The following ARHGAP28 variants were observed in gnomAD, a reference collection of about 807,000 sequenced individuals.
ARHGAP28 encodes the protein rho GTPase-activating protein 28.
A neutral mutation model predicts 90.7 loss-of-function variants in ARHGAP28; 56 were observed. The ratio of observed to expected loss-of-function variants is 0.62; its 90% CI spans 0.50 to 0.77. The LOEUF is 0.77. Among genes scored for constraint, ARHGAP28 ranks in the 30% least tolerant of loss-of-function variants. The pLI is 0.00. For missense variants in ARHGAP28, 869 were observed against 900.9 expected, an observed-to-expected ratio of 0.96 and a Z score of 0.45; for synonymous variants, 308 against 323.3, an observed-to-expected ratio of 0.95 and a Z score of 0.51.
At chr18:6,795,957 A>G (rs767422925) in intron 1 of ARHGAP28, among the ~76,000 whole-genome samples, 1 of 152,278 alleles carries the variant, frequency 6.6e-6, no homozygotes, top group Non-Finnish European at 1.5e-5. Flanking sequence ...AACCTAAATC[A>G]AACTACAGCA....
rs1364977121 is a variant in ARHGAP28 at position 6,824,941 on chromosome 18, C to T, written c.302C>T (p.Pro101Leu). The T allele has an allele frequency of 6.5e-7, 1 of 1,535,456 alleles. No homozygotes were observed. The highest frequency in any genetic ancestry group is 2.4e-5 in the East Asian group (1 of 40,896). The part of the protein sequence containing the change: ...SSMGGQEEPP[P>L]AEVTPVDEGE... ...ATGGGAGGGCAAGAAGAGCCACCGC[C>T]AGCTGAGGTCACACCTGTGGATGGT... The change falls in exon 2 of 18, where the codon CCA (proline) becomes CTA (leucine). Residue 101 changes from proline (P) to leucine (L), a missense_variant. By Grantham distance (98) the Pro-to-Leu change is moderately conservative. Transcript: ENST00000383472.
chr18:6,896,621 A>C lies in ARHGAP28; in HGVS notation c.2025A>C (p.Glu675Asp). Reference sequence around the variant, plus strand: ...ACATATTGGCAAAATTTCAATATGAAAACAGGTGAGTCAATGTGAATGAAG... The same window carrying C: ...ACATATTGGCAAAATTTCAATATGACAACAGGTGAGTCAATGTGAATGAAG... ...AKDILAKFQY[E>D]NSHGSSECIK... Residue 675 changes from glutamate to aspartate, a missense_variant, in exon 16 of 18, where the codon GAA becomes GAC. By Grantham distance (45) the Glu-to-Asp change is conservative. Transcript: ENST00000383472. 1 of 1,614,094 alleles carries C rather than the reference A, an allele frequency of 6.2e-7. No homozygotes were observed. Among genetic ancestry groups the C allele is most frequent in the Admixed American group, 1.7e-5 (1 of 60,030 alleles).
intron 3 of ARHGAP28, among the ~76,000 whole-genome samples, chr18:6,846,762 A>G (rs1246978427): frequency 1.3e-5 from 2 of 152,092 alleles, no homozygotes; most frequent in African/African-American, 4.8e-5. Flanking sequence ...TGTGAGCCTT[A>G]TGTCCCACCT....
chr18:6,767,386 T>C (rs1046138107), intron 1 of ARHGAP28, among the ~76,000 whole-genome samples: 1 of 152,220 alleles, frequency 6.6e-6, no homozygotes, highest in Non-Finnish European at 1.5e-5. Context: ...CTTTTATATG[T>C]AGCCATATAT....
intron 14 of ARHGAP28, among the ~76,000 whole-genome samples, chr18:6,894,524 C>A (rs957269689): frequency 6.6e-6 from 1 of 152,152 alleles, no homozygotes; most frequent in African/African-American, 2.4e-5. Context: ...GCTTCTTTTG[C>A]GTGCTATTCC....
chr18:6,890,433 C>G lies in ARHGAP28; in HGVS notation c.1738C>G (p.Pro580Ala). The G allele has an allele frequency of 6.3e-7, 1 of 1,596,612 alleles. No homozygotes were observed. Among genetic ancestry groups the G allele is most frequent in the Non-Finnish European group, 8.6e-7 (1 of 1,166,190 alleles). ...CCAAGCTATTTTTCTTCTCCAGGTT[C>G]CATCTTTCTTAATCACTCAAGTAAG... ...LKYQKILWKV[P>A]SFLITQVRRM... Residue 580 changes from proline (P) to alanine (A), a missense_variant, in exon 14 of 18, where the codon CCA becomes GCA. Coordinates refer to ENST00000383472, the MANE Select transcript of ARHGAP28 (RefSeq NM_001366230.1).
chr18:6,857,466 A>G (rs1032597370), intron 4 of ARHGAP28, among the ~76,000 whole-genome samples: 12 of 152,240 alleles, frequency 7.9e-5, no homozygotes, highest in African/African-American at 2.7e-4. Context: ...ATGTGTGGCA[A>G]TCTGTGATGC....
chr18:6,871,885 A>G (rs1314573923), intron 7 of ARHGAP28, among the ~76,000 whole-genome samples: 2 of 152,206 alleles, frequency 1.3e-5, no homozygotes, highest in Non-Finnish European at 2.9e-5. Context: ...TCTATTAATA[A>G]TGTAAGGTGG....
chr18:6,909,292 TTTC>T (rs2057382483), intron 17 of ARHGAP28, among the ~76,000 whole-genome samples: 2 of 50,970 alleles, frequency 3.9e-5, no homozygotes, highest in Non-Finnish European at 1.2e-4. Flanking sequence ...TTTCTTTTCT[TTTC>T]TTTTCTTTTT....
intron 1 of ARHGAP28, among the ~76,000 whole-genome samples, chr18:6,756,534 T>A (rs970182487): frequency 6.6e-6 from 1 of 152,236 alleles, no homozygotes. Context: ...AGGATTCATT[T>A]ACATTGAAAA....
intron 1 of ARHGAP28, 151 bp from the exon 2 acceptor site, chr18:6,824,611 G>A (rs2056648672): frequency 1.6e-6 from 1 of 618,334 alleles, no homozygotes; most frequent in South Asian, 2.7e-5. Flanking sequence ...ACTGAGTGGA[G>A]ATTATTCCCT....
At chr18:6,825,774 A>G (rs890122647) in intron 2 of ARHGAP28, among the ~76,000 whole-genome samples, 2 of 152,172 alleles carry the variant, frequency 1.3e-5, no homozygotes, top group Non-Finnish European at 2.9e-5. Flanking sequence ...CATTGCTGCA[A>G]AGGACATGAT....
chr18:6,870,243 T>G (rs949191449), intron 6 of ARHGAP28, among the ~76,000 whole-genome samples: 2 of 152,228 alleles, frequency 1.3e-5, no homozygotes, highest in Non-Finnish European at 2.9e-5. Context: ...TGGGTCTAGA[T>G]GAGCTTAATT....
At chr18:6,773,386 G>A (rs574227232) in intron 1 of ARHGAP28, among the ~76,000 whole-genome samples, 1 of 152,280 alleles carries the variant, frequency 6.6e-6, no homozygotes, top group East Asian at 1.9e-4. Context: ...ACAGCAGCTG[G>A]GAAATCAGAT....
chr18:6,895,189 A>T (rs1475592356), intron 15 of ARHGAP28, among the ~76,000 whole-genome samples: 9 of 151,896 alleles, frequency 5.9e-5, no homozygotes, highest in Admixed American at 5.9e-4. Flanking sequence ...GCTTCTGGGG[A>T]GCTGGATGAA....
chr18:6,854,099 G>A (rs541864538), intron 4 of ARHGAP28, among the ~76,000 whole-genome samples: 9 of 151,572 alleles, frequency 5.9e-5, no homozygotes, highest in Admixed American at 1.3e-4. Flanking sequence ...GATTGGTCTC[G>A]GGGGGGTTAT....
intron 1 of ARHGAP28, among the ~76,000 whole-genome samples, chr18:6,804,080 C>G (rs2056502018): frequency 6.6e-6 from 1 of 152,150 alleles, no homozygotes; most frequent in Non-Finnish European, 1.5e-5. Context: ...CAACCAGCCT[C>G]TTGGTAGAAA....
chr18:6,792,707 G>A (rs2143566672), intron 1 of ARHGAP28, among the ~76,000 whole-genome samples: 1 of 152,286 alleles, frequency 6.6e-6, no homozygotes, highest in Middle Eastern at 3.4e-3. Context: ...TAACATAATG[G>A]CGCAGTAATC....
At chr18:6,873,852 A>C in intron 9 of ARHGAP28, 77 bp downstream of exon 9, 1 of 1,241,262 alleles carries the variant, frequency 8.1e-7, no homozygotes, top group Non-Finnish European at 1.2e-6. Flanking sequence ...CCCACAAATG[A>C]ATTTTCTTTT....
Sources: gnomAD v4.1 joint callset for allele counts (sites outside exome capture counted in the v4.1 genomes callset) on GRCh38, gnomAD v4.1.1 for gene constraint, MANE v1.5 for transcripts, NCBI Gene and HGNC (gene_info 2026-07-23, HGNC 2026-07-21) for gene names.